SHISA9: variants seen among roughly 807,000 people sequenced by gnomAD.
SHISA9 encodes shisa family member 9, also known as protein shisa-9.
SHISA9 carries 13 observed loss-of-function variants against 38.0 expected under a neutral mutation model. That is an observed-to-expected ratio of 0.34 (90% confidence interval 0.22 to 0.54). The LOEUF (loss-of-function observed/expected upper bound fraction) is 0.54, where lower values mean the gene tolerates loss of function less well. Among genes scored for constraint, SHISA9 ranks in the 20% least tolerant of loss-of-function variants. The pLI, the probability that SHISA9 is intolerant of heterozygous loss-of-function variation, is 0.91. For missense variants in SHISA9, 538 were observed against 575.8 expected, an observed-to-expected ratio of 0.93 and a Z score of 0.67; for synonymous variants, 275 against 242.0, an observed-to-expected ratio of 1.14 and a Z score of -1.27.
chr16:13,515,665 C>T, the SHISA9 span, among the ~76,000 whole-genome samples: 2 of 152,078 alleles, frequency 1.3e-5, no homozygotes, highest in Non-Finnish European at 2.9e-5. Flanking sequence ...GATAGGAAGC[C>T]TTGTCTTATC....
At chr16:13,201,282 A>T (rs1413453164) in intron 2 of SHISA9, among the ~76,000 whole-genome samples, 2 of 135,558 alleles carry the variant, frequency 1.5e-5, no homozygotes, top group African/African-American at 5.8e-5. Context: ...GAAGTCCCTT[A>T]TAAAAAAATG....
chr16:13,341,684 G>A, the SHISA9 span, among the ~76,000 whole-genome samples: 1 of 152,092 alleles, frequency 6.6e-6, no homozygotes, highest in Non-Finnish European at 1.5e-5. Context: ...ACCTGTATTT[G>A]TTTCTCCATT....
intron 2 of SHISA9, among the ~76,000 whole-genome samples, chr16:13,019,893 TTCTTTCTTTCTTTCTTTC>T (rs2072819330): frequency 1.1e-4 from 2 of 19,022 alleles, no homozygotes; most frequent in African/African-American, 3.1e-4. Flanking sequence ...CCTTCTTTCT[TTCTTTCTTTCTTTCTTTC>T]TTTCTTTCTT....
chr16:13,318,380 T>C, the SHISA9 span, among the ~76,000 whole-genome samples: 2 of 152,180 alleles, frequency 1.3e-5, no homozygotes, highest in Non-Finnish European at 2.9e-5. Flanking sequence ...TGGAGTGCAA[T>C]GGCACGATCT....
At chr16:13,278,433 A>C in the SHISA9 span, among the ~76,000 whole-genome samples, 3 of 152,146 alleles carry the variant, frequency 2.0e-5, no homozygotes, top group South Asian at 2.1e-4. Flanking sequence ...GGCTTCATCA[A>C]ATGAATTTGG....
At chr16:13,331,503 A>G in the SHISA9 span, 11 of 152,178 alleles carry the variant, frequency 7.2e-5, no homozygotes, top group Non-Finnish European at 1.6e-4. Flanking sequence ...CACATTATAC[A>G]TAATACATTT....
rs2051416859 is a variant in SHISA9, at chr16:13,239,444, G to C, written c.*4035G>C. ...TCCACAATGGTTGAACTAGTTTACAGTCCCACCAGCAGTGTAAAAGTGTTC... is the reference window on the plus strand; with the variant it reads ...TCCACAATGGTTGAACTAGTTTACACTCCCACCAGCAGTGTAAAAGTGTTC... On this transcript the variant is annotated 3_prime_UTR_variant, in exon 5 of 5. Coordinates refer to ENST00000558583, the MANE Select transcript of SHISA9 (RefSeq NM_001145204.3). 2 of 151,448 alleles carry C rather than the reference G, an allele frequency of 1.3e-5. No individual in the cohort carries two copies. Among genetic ancestry groups the C allele is most frequent in the South Asian group, 4.2e-4 (2 of 4,778 alleles). The allele number at this position is 151,448 out of a possible 1,614,324, so 9.4% of individuals were successfully genotyped here. A position where few individuals can be genotyped will look rare whatever the true frequency, so the allele number is the denominator to read the frequency against.
the SHISA9 span, among the ~76,000 whole-genome samples, chr16:13,387,755 TG>T: frequency 6.6e-6 from 1 of 152,170 alleles, no homozygotes; most frequent in Admixed American, 6.5e-5. Context: ...CCCAAAGTGC[TG>T]GGATTACAGG....
chr16:13,336,608 G>A, the SHISA9 span, among the ~76,000 whole-genome samples: 1 of 152,146 alleles, frequency 6.6e-6, no homozygotes, highest in South Asian at 2.1e-4. Context: ...TTTGAAAGAT[G>A]AGAAATGTGT....
At chr16:13,123,840 G>A (rs961978547) in intron 2 of SHISA9, among the ~76,000 whole-genome samples, 5 of 152,214 alleles carry the variant, frequency 3.3e-5, no homozygotes, top group Non-Finnish European at 5.9e-5. Context: ...TCATGTATGA[G>A]CTGTGGGAAC....
chr16:13,246,350 C>T, the SHISA9 span: 1 of 152,266 alleles, frequency 6.6e-6, no homozygotes, highest in Admixed American at 6.5e-5. Flanking sequence ...TGCCTTTCAC[C>T]TTCTGCCATG....
chr16:12,911,661 A>G (rs1466543319), intron 1 of SHISA9: 1 of 152,262 alleles, frequency 6.6e-6, no homozygotes, highest in Non-Finnish European at 1.5e-5. Flanking sequence ...CCTCCTGAGC[A>G]TTTTCATTAT....
intron 2 of SHISA9, among the ~76,000 whole-genome samples, chr16:13,155,467 G>A (rs2050535813): frequency 6.6e-6 from 1 of 152,192 alleles, no homozygotes. Flanking sequence ...ATAATGTTGA[G>A]AAAATGATGT....
the SHISA9 span, among the ~76,000 whole-genome samples, chr16:13,327,514 A>AGGCAGGAGAATCACTTGAACCCGGGAGG: frequency 4.0e-5 from 6 of 151,592 alleles, no homozygotes; most frequent in African/African-American, 1.5e-4. Flanking sequence ...CACTCGGGAG[A>AGGCAGGAGAATCACTTGAACCCGGGAGG]CTGAGGCAGG....
chr16:13,188,340 G>A (rs1299894628), intron 2 of SHISA9, among the ~76,000 whole-genome samples: 1 of 152,160 alleles, frequency 6.6e-6, no homozygotes, highest in African/African-American at 2.4e-5. Context: ...CCTTTCCTGG[G>A]TTAGAATTCA....
At chr16:13,297,449 A>C in the SHISA9 span, among the ~76,000 whole-genome samples, 1 of 152,150 alleles carries the variant, frequency 6.6e-6, no homozygotes, top group Non-Finnish European at 1.5e-5. Flanking sequence ...CTTTGGGAAA[A>C]GTATGAAAGA....
intron 2 of SHISA9, among the ~76,000 whole-genome samples, chr16:13,097,681 G>A: frequency 6.6e-6 from 1 of 152,182 alleles, no homozygotes; most frequent in African/African-American, 2.4e-5. Context: ...TGGAATGACA[G>A]GTGGGAGTCA....
At chr16:13,166,011 A>G (rs1307810427) in intron 2 of SHISA9, among the ~76,000 whole-genome samples, 2 of 152,282 alleles carry the variant, frequency 1.3e-5, no homozygotes, top group Admixed American at 6.5e-5. Context: ...TGAATTCTCC[A>G]TGGGAAGCCA....
the SHISA9 span, among the ~76,000 whole-genome samples, chr16:13,312,251 G>C: frequency 6.6e-6 from 1 of 152,180 alleles, no homozygotes; most frequent in Non-Finnish European, 1.5e-5. Context: ...GTGTGGTCTT[G>C]TTTCAATAAA....
Sources: allele counts gnomAD v4.1 joint callset (sites outside exome capture counted in the v4.1 genomes callset), GRCh38; gene constraint gnomAD v4.1.1; transcripts MANE v1.5; gene names NCBI Gene and HGNC (gene_info 2026-07-23, HGNC 2026-07-21).